Variants in HDAC4 observed in about 807,000 individuals in gnomAD.
HDAC4 encodes the protein histone deacetylase A.
Under a neutral mutation model 135.1 loss-of-function variants are expected in HDAC4, and 16 were observed. The observed-to-expected ratio is 0.12, with a 90% CI of 0.08 to 0.18. HDAC4 has a LOEUF of 0.18. HDAC4 is among the 10% of genes least tolerant of loss of function. The pLI is 1.00. For synonymous variants in HDAC4, 685 were observed against 653.4 expected, an observed-to-expected ratio of 1.05 and a Z score of -0.74; for missense variants, 1,143 against 1,511.8, an observed-to-expected ratio of 0.76 and a Z score of 4.05.
intron 3 of HDAC4, among the ~76,000 whole-genome samples, chr2:239,200,518 C>T (rs1338633012): frequency 6.6e-6 from 1 of 152,186 alleles, no homozygotes; most frequent in Non-Finnish European, 1.5e-5. Flanking sequence ...TTATATGCCA[C>T]TTCTGTTTCT....
At chr2:239,273,431 GC>G (rs2050162417) in intron 2 of HDAC4, among the ~76,000 whole-genome samples, 1 of 152,208 alleles carries the variant, frequency 6.6e-6, no homozygotes, top group South Asian at 2.1e-4. Context: ...AATAAAGAAA[GC>G]CTTTCCTGTG....
chr2:239,126,922 C>G (rs554484171), intron 11 of HDAC4, among the ~76,000 whole-genome samples: 3 of 152,332 alleles, frequency 2.0e-5, no homozygotes, highest in African/African-American at 7.2e-5. Flanking sequence ...AGGCAATTTT[C>G]TATGAAAATC....
Position 239,303,671 on chromosome 2 carries a change from C to T in HDAC4, c.22+49007G>A, listed in dbSNP as rs544171610. ...CCTCAAGTAAAAAATTCAAGTCAGC[C>T]CTGATGCTGTCCATGTTTTTTGTAA... On this transcript the variant is annotated intron_variant, in intron 2 of 26. Coordinates refer to ENST00000543185, the MANE Select transcript of HDAC4 (RefSeq NM_001378414.1). The surrounding 1 kb of genome is among the most constrained non-coding windows in gnomAD (Gnocchi z 5.1). Among the ~76,000 whole-genome samples the T allele has an allele frequency of 6.6e-6, 1 of 152,248 alleles. No individual in the cohort carries two copies. The highest frequency in any genetic ancestry group is 2.4e-5 in the African/African-American group (1 of 41,554).
In HDAC4 at chr2:239,117,723, G is replaced by C. The variant is rs1008375839; in HGVS notation, c.1534-2413C>G. ...TCCCACAATCCCAAAGTCCCAGATC[G>C]AGGGGTCTCTCCGGATGCTCGATTC... On this transcript the variant is annotated intron_variant, in intron 12 of 26. Transcript: ENST00000543185. Among the ~76,000 whole-genome samples the C allele has an allele frequency of 3.3e-5, 5 of 152,256 alleles. No individual in the cohort carries two copies. In the South Asian group the frequency reaches 1.0e-3, roughly 32 times the overall value.
At chr2:239,235,277 C>T (rs867300204) in intron 3 of HDAC4, among the ~76,000 whole-genome samples, 5 of 152,046 alleles carry the variant, frequency 3.3e-5, no homozygotes, top group African/African-American at 9.7e-5. Flanking sequence ...TCCAGAACTC[C>T]GGGTTTGGAA....
chr2:239,089,668 G>A, intron 18 of HDAC4: 1 of 222,190 alleles, frequency 4.5e-6, no homozygotes, highest in Non-Finnish European at 8.9e-6. Flanking sequence ...TTTCTCAGTT[G>A]TAATCTCTAA....
chr2:239,127,303 A>G (rs2040259453), intron 11 of HDAC4, among the ~76,000 whole-genome samples: 1 of 152,250 alleles, frequency 6.6e-6, no homozygotes, highest in African/African-American at 2.4e-5. Context: ...AATCCCTGCC[A>G]GCGAGTGGAG....
chr2:239,138,621 T>A (rs1013269173), intron 9 of HDAC4, among the ~76,000 whole-genome samples: 3 of 152,102 alleles, frequency 2.0e-5, no homozygotes, highest in Non-Finnish European at 4.4e-5. Flanking sequence ...ACCCCTGCCC[T>A]GCAGTCAGGC....
chr2:239,397,134 C>G (rs1696614605), intron 1 of HDAC4, among the ~76,000 whole-genome samples: 1 of 152,250 alleles, frequency 6.6e-6, no homozygotes, highest in Non-Finnish European at 1.5e-5. Flanking sequence ...GTCCTCTTCT[C>G]TAAGAGGCTG....
chr2:239,165,860 T>C (rs1364547058), intron 5 of HDAC4, among the ~76,000 whole-genome samples: 3 of 152,240 alleles, frequency 2.0e-5, no homozygotes, highest in Non-Finnish European at 2.9e-5. Flanking sequence ...AACTCTGCCA[T>C]TGTTCCTCCT....
intron 1 of HDAC4, among the ~76,000 whole-genome samples, chr2:239,354,454 C>A (rs1304912007): frequency 6.6e-6 from 1 of 152,126 alleles, no homozygotes; most frequent in African/African-American, 2.4e-5. Context: ...GCACTCCTAC[C>A]ACTGAGAGTC....
chr2:239,076,511 A>AAACAAAACTCACCACACCC (rs752684987), intron 22 of HDAC4, among the ~76,000 whole-genome samples: 300 of 152,334 alleles, frequency 2.0e-3, no homozygotes, highest in Non-Finnish European at 3.2e-3. Context: ...GTAGGACCCT[A>AAACAAAACTCACCACACCC]AACAAAACTC....
At chr2:239,232,214 A>G (rs890576279) in intron 3 of HDAC4, among the ~76,000 whole-genome samples, 2 of 152,250 alleles carry the variant, frequency 1.3e-5, no homozygotes, top group African/African-American at 4.8e-5. Context: ...GAAGGGGAGG[A>G]GTTTTAGCTA....
intron 2 of HDAC4, among the ~76,000 whole-genome samples, chr2:239,343,234 G>C (rs1433182060): frequency 6.6e-6 from 1 of 152,112 alleles, no homozygotes; most frequent in African/African-American, 2.4e-5. Flanking sequence ...TCCCCAAAGT[G>C]CCCATTTTTT....
chr2:239,077,923 C>T, intron 22 of HDAC4, among the ~76,000 whole-genome samples: 1 of 152,238 alleles, frequency 6.6e-6, no homozygotes, highest in East Asian at 1.9e-4. Context: ...TGCTCAATTT[C>T]AAGGCTAATG....
At chr2:239,107,117 A>G (rs973002523) in intron 15 of HDAC4, among the ~76,000 whole-genome samples, 8 of 152,200 alleles carry the variant, frequency 5.3e-5, no homozygotes, top group Admixed American at 5.2e-4. Context: ...CCTCGCTATC[A>G]GCAGGGCCTG....
At chr2:239,151,461 G>T (rs1037853519) in intron 7 of HDAC4, among the ~76,000 whole-genome samples, 2 of 152,078 alleles carry the variant, frequency 1.3e-5, no homozygotes, top group Non-Finnish European at 2.9e-5. Context: ...GCAATGGATG[G>T]ATGTTTCCCA....
intron 2 of HDAC4, among the ~76,000 whole-genome samples, chr2:239,250,565 T>C (rs1390003219): frequency 6.6e-6 from 1 of 152,214 alleles, no homozygotes; most frequent in Non-Finnish European, 1.5e-5. Flanking sequence ...AATCAAGCAC[T>C]GGTTCACACA....
At chr2:239,066,966 A>G (rs2033579451) in intron 23 of HDAC4, 111 bp from the exon 24 acceptor site, 2 of 1,321,806 alleles carry the variant, frequency 1.5e-6, no homozygotes, top group East Asian at 5.0e-5. Context: ...GGGTGTCGAG[A>G]CACATGGCCA....
Sources: allele counts gnomAD v4.1 joint callset (sites outside exome capture counted in the v4.1 genomes callset), GRCh38; gene constraint gnomAD v4.1.1; non-coding constraint Gnocchi (gnomAD v3.1); transcripts MANE v1.5; gene names NCBI Gene and HGNC (gene_info 2026-07-23, HGNC 2026-07-21).